DPF3: variants seen among roughly 807,000 people sequenced by gnomAD.
DPF3 encodes the protein zinc finger protein DPF3.
DPF3 carries 18 observed loss-of-function variants against 56.8 expected under a neutral mutation model. That is an observed-to-expected ratio of 0.32 (90% confidence interval 0.22 to 0.47). The LOEUF (loss-of-function observed/expected upper bound fraction) is 0.47. DPF3 is among the 20% of genes least tolerant of loss of function. DPF3 has a pLI of 1.00. For missense variants in DPF3, 403 were observed against 488.8 expected (o/e 0.82, Z 1.65); for synonymous variants, 188 against 180.2 (o/e 1.04, Z -0.35).
chr14:72,724,589 G>C (rs1889316598), intron 4 of DPF3, among the ~76,000 whole-genome samples: 1 of 152,042 alleles, frequency 6.6e-6, no homozygotes. Flanking sequence ...GTTCCTCTGG[G>C]CTTAAGGGAG....
chr14:72,809,975 A>G (rs1369320485), intron 1 of DPF3, among the ~76,000 whole-genome samples: 1 of 152,200 alleles, frequency 6.6e-6, no homozygotes, highest in Non-Finnish European at 1.5e-5. Flanking sequence ...GGGGTTATTT[A>G]GAGAAATACA....
chr14:72,679,260 C>A (rs1235016941), intron 7 of DPF3: 2 of 152,268 alleles, frequency 1.3e-5, no homozygotes, highest in Non-Finnish European at 2.9e-5. Context: ...AACAGCCACT[C>A]GTCTGGGTTC....
chr14:72,842,447 C>T lies in DPF3; in HGVS notation c.32+51610G>A, dbSNP rs766677491. ...GCCAACGCTGGGTGAATCTCACAAA[C>T]GCAATGTTAAAGGGGAAATCCAGCT... On this transcript the variant is annotated intron_variant, in intron 1 of 10. Transcript: ENST00000556509. Among the ~76,000 whole-genome samples the T allele has an allele frequency of 7.2e-5, 11 of 152,074 alleles. No homozygotes were observed. The South Asian group carries it at 2.1e-3, about 29-fold the overall frequency.
chr14:72,798,454 T>C (rs1433423967), intron 1 of DPF3, among the ~76,000 whole-genome samples: 1 of 152,130 alleles, frequency 6.6e-6, no homozygotes, highest in Non-Finnish European at 1.5e-5. Flanking sequence ...GAAACCAAGA[T>C]AGGAAATGGT....
intron 6 of DPF3, among the ~76,000 whole-genome samples, chr14:72,709,727 G>T (rs1348079416): frequency 6.6e-6 from 1 of 151,946 alleles, no homozygotes; most frequent in East Asian, 1.9e-4. Flanking sequence ...CCAGCTGTGT[G>T]ACCATGGACA....
At chr14:72,843,328 G>GT (rs1567252933) in intron 1 of DPF3, among the ~76,000 whole-genome samples, 1 of 152,042 alleles carries the variant, frequency 6.6e-6, no homozygotes, top group Non-Finnish European at 1.5e-5. Flanking sequence ...AGCATCGGGG[G>GT]TTTTTTGGGT....
At chr14:72,753,738 C>T (rs1257397135) in intron 2 of DPF3, among the ~76,000 whole-genome samples, 1 of 152,156 alleles carries the variant, frequency 6.6e-6, no homozygotes, top group African/African-American at 2.4e-5. Context: ...TATCCTGATC[C>T]AGGTTAAGCA....
chr14:72,805,327 G>A lies in DPF3; in HGVS notation c.33-33434C>T, dbSNP rs148022643. Among the ~76,000 whole-genome samples, 1,324 of 151,546 alleles carry A rather than the reference G, an allele frequency of 8.7e-3. 20 individuals carry two copies. The highest frequency in any genetic ancestry group is 0.03 in the African/African-American group (1,251 of 41,308). ...CTCTACTAAAAATACAAAATTAGCC[G>A]GGCATGGTGGCAGGTAACTGTAATC... On this transcript the variant is annotated intron_variant, in intron 1 of 10. Coordinates refer to ENST00000556509, the MANE Select transcript of DPF3 (RefSeq NM_001280542.3).
chr14:72,616,760 T>C lies in DPF3; in HGVS notation c.*2537A>G, dbSNP rs1461300650. 6.6e-6 allele frequency among the ~76,000 whole-genome samples: 1 copy of C among 152,180 alleles called. No individual in the cohort carries two copies. Among genetic ancestry groups the C allele is most frequent in the Non-Finnish European group, 1.5e-5 (1 of 68,038 alleles). On this transcript the variant is annotated 3_prime_UTR_variant, in exon 11 of 11. Coordinates refer to ENST00000556509, the MANE Select transcript of DPF3 (RefSeq NM_001280542.3). ...CCTTCACATGCATCCTATGATTCTA[T>C]CTCATTCTCTGGGGTTCAAAAAAAA...
chr14:72,750,791 C>CAAAA lies in DPF3; in HGVS notation c.301+2469_301+2472dup, dbSNP rs35754238. 5.7e-3 allele frequency among the ~76,000 whole-genome samples: 378 copies of CAAAA among 65,936 alleles called. 35 individuals are homozygous for CAAAA. Among genetic ancestry groups the CAAAA allele is most frequent in the African/African-American group, 0.016 (236 of 14,950 alleles). The allele number at this position is 65,936 out of a possible 152,430, so 43.3% of individuals were successfully genotyped here. ...CATGGATTATCTCTTGAAAGAATCT[C>CAAAA]AAAAAAAAAAAAAAAAAAAAAAAAA... On this transcript the variant is annotated intron_variant, in intron 3 of 10. Transcript: ENST00000556509.
intron 8 of DPF3, among the ~76,000 whole-genome samples, chr14:72,647,092 C>T (rs1448950460): frequency 9.9e-5 from 15 of 152,198 alleles, no homozygotes; most frequent in Admixed American, 8.5e-4. Context: ...CAGCCTTGCT[C>T]AATGAGGGCT....
chr14:72,864,805 G>A (rs992056104), intron 1 of DPF3, among the ~76,000 whole-genome samples: 7 of 152,228 alleles, frequency 4.6e-5, no homozygotes, highest in Non-Finnish European at 8.8e-5. Context: ...TGGGGTAGAA[G>A]CACTGCAGGC....
At chr14:72,728,594 G>T (rs1277199096) in intron 4 of DPF3, among the ~76,000 whole-genome samples, 1 of 152,164 alleles carries the variant, frequency 6.6e-6, no homozygotes, top group Non-Finnish European at 1.5e-5. Flanking sequence ...AGGACAGCTA[G>T]CAAAGTAGGA....
chr14:72,845,847 A>G (rs911937930), intron 1 of DPF3, among the ~76,000 whole-genome samples: 22 of 152,198 alleles, frequency 1.4e-4, no homozygotes, highest in Admixed American at 8.5e-4. Context: ...AAGATGGGAA[A>G]CATGATACCC....
chr14:72,702,817 T>C (rs1186152915), intron 6 of DPF3, among the ~76,000 whole-genome samples: 1 of 152,104 alleles, frequency 6.6e-6, no homozygotes, highest in Non-Finnish European at 1.5e-5. Flanking sequence ...CCACAGCCAC[T>C]TCAACTGGCC....
intron 1 of DPF3, among the ~76,000 whole-genome samples, chr14:72,830,641 C>T (rs1041705646): frequency 3.3e-5 from 5 of 152,138 alleles, no homozygotes; most frequent in African/African-American, 7.2e-5. Context: ...CCATCGGGAA[C>T]GGAAGTATGA....
rs142303511 is a variant in DPF3 at position 72,756,550 on chromosome 14, C to T, written c.194-3179G>A. 5.2e-4 allele frequency among the ~76,000 whole-genome samples: 79 copies of T among 152,150 alleles called. 1 individual carries two copies. Among genetic ancestry groups the T allele is most frequent in the Admixed American group, 1.7e-3 (26 of 15,266 alleles). The stretch of plus-strand genomic sequence containing the variant: ...AAGAGTGGCCGGGTACAGTGGCTGA[C>T]GTCTGTAATCCCAGTACTTTGGGAA... On this transcript the variant is annotated intron_variant, in intron 2 of 10. Transcript: ENST00000556509.
In DPF3 at chr14:72,771,824, C is replaced by T; in HGVS notation, c.102G>A (p.Glu34=). Residue 34 remains glutamate (E), a synonymous_variant, in exon 2 of 11, where the codon GAG becomes GAA. Coordinates refer to ENST00000556509, the MANE Select transcript of DPF3 (RefSeq NM_001280542.3). ...CRSYNSRLCA[E]RSVRLPFLDS... Reference sequence around the variant, plus strand: ...CCAGGAAGGGAAGACGCACGCTGCGCTCTGCACACAGCCGTGAGTTGTAAC... The same window carrying T: ...CCAGGAAGGGAAGACGCACGCTGCGTTCTGCACACAGCCGTGAGTTGTAAC... 1 of 1,613,750 alleles carries T rather than the reference C, an allele frequency of 6.2e-7. No homozygotes were observed. The highest frequency in any genetic ancestry group is 8.5e-7 in the Non-Finnish European group (1 of 1,179,750).
chr14:72,649,461 G>C lies in DPF3; in HGVS notation c.872-19725C>G, dbSNP rs367564265. Among the ~76,000 whole-genome samples, 11 of 152,276 alleles carry C rather than the reference G, an allele frequency of 7.2e-5. 1 individual carries two copies. The highest frequency in any genetic ancestry group is 1.7e-4 in the African/African-American group (7 of 41,540). On this transcript the variant is annotated intron_variant, in intron 8 of 10. Transcript: ENST00000556509. ...GGTTCCAGAAGAGTGAGGACAGAGA[G>C]AAGCAACAAAGTGAGAAGAGGAAGA... is the stretch of plus-strand genomic sequence containing the variant.
Sources: gnomAD v4.1 joint callset for allele counts (sites outside exome capture counted in the v4.1 genomes callset) on GRCh38, gnomAD v4.1.1 for gene constraint, MANE v1.5 for transcripts, NCBI Gene and HGNC (gene_info 2026-07-23, HGNC 2026-07-21) for gene names.